RAB30: variants seen among roughly 807,000 people sequenced by gnomAD.
The protein encoded by RAB30 is RAB30, member RAS oncogene family, also known as ras-related protein Rab-30.
RAB30 carries 9 observed loss-of-function variants against 25.1 expected under a neutral mutation model. The observed-to-expected ratio is 0.36, with a 90% confidence interval of 0.22 to 0.63. The LOEUF is 0.63. Among genes scored for constraint, RAB30 ranks in the 20% least tolerant of loss-of-function variants. The probability of loss-of-function intolerance (pLI) is 0.69; values close to 1 mark genes in which losing one functional copy is unlikely to be tolerated. For missense variants in RAB30, 140 were observed against 243.5 expected (o/e 0.58, Z 2.83); for synonymous variants, 77 against 86.4 (o/e 0.89, Z 0.60).
chr11:83,066,199 A>T (rs1858692286), intron 1 of RAB30, among the ~76,000 whole-genome samples: 1 of 152,220 alleles, frequency 6.6e-6, no homozygotes, highest in Non-Finnish European at 1.5e-5. Context: ...AAATTATTAC[A>T]CTATTCTGAT....
chr11:83,044,200 G>A (rs1565287787), intron 1 of RAB30, among the ~76,000 whole-genome samples: 1 of 152,106 alleles, frequency 6.6e-6, no homozygotes, highest in Non-Finnish European at 1.5e-5. Flanking sequence ...CAAATGAGAA[G>A]GGTATCTTGT....
rs201140342 is a variant in RAB30, at chr11:83,014,692, A to G, written c.-8-17368T>C. Among the ~76,000 whole-genome samples the G allele has an allele frequency of 1.4e-4, 20 of 138,658 alleles. No individual in the cohort carries two copies. The East Asian group carries it at 1.6e-3, about 11-fold the overall frequency. The allele number at this position is 138,658 out of a possible 152,430, so 91.0% of individuals were successfully genotyped here. A position where few individuals can be genotyped will look rare whatever the true frequency, so the allele number is the denominator to read the frequency against. ...AAAGAAAGAAAGAAAGAAAGAAAGA[A>G]AGAGAAAGGAAGGAAGGAAGGATGG... On this transcript the variant is annotated intron_variant, in intron 1 of 4. Transcript: ENST00000527633.
At chr11:83,007,253 G>A (rs1315298615) in intron 1 of RAB30, among the ~76,000 whole-genome samples, 1 of 152,182 alleles carries the variant, frequency 6.6e-6, no homozygotes, top group Non-Finnish European at 1.5e-5. Context: ...AAACTGTCAG[G>A]GGTGGCTGGC....
chr11:83,014,634 A>AAAAG (rs58927757), intron 1 of RAB30, among the ~76,000 whole-genome samples: 17,139 of 112,400 alleles, frequency 0.15, 1,382 homozygotes, highest in Middle Eastern at 0.21. Context: ...AGAAGTAAGA[A>AAAAG]AAAGAAAGAA....
chr11:83,069,063 A>AT (rs1464447101), intron 1 of RAB30, among the ~76,000 whole-genome samples: 8 of 152,250 alleles, frequency 5.3e-5, no homozygotes, highest in African/African-American at 1.9e-4. Flanking sequence ...ATAGAGGGCT[A>AT]TAACATCAGT....
At chr11:82,993,272 G>T (rs1230892169) in intron 3 of RAB30, among the ~76,000 whole-genome samples, 1 of 152,074 alleles carries the variant, frequency 6.6e-6, no homozygotes, top group East Asian at 1.9e-4. Context: ...TGGTGAAATG[G>T]GTTCAAATCC....
chr11:83,005,335 C>A (rs997374563), intron 1 of RAB30, among the ~76,000 whole-genome samples: 1 of 152,176 alleles, frequency 6.6e-6, no homozygotes, highest in South Asian at 2.1e-4. Context: ...GCCATTTGGA[C>A]CATGATTTGA....
At chr11:83,025,885 G>A (rs150591073) in intron 1 of RAB30, among the ~76,000 whole-genome samples, 1 of 91,276 alleles carries the variant, frequency 1.1e-5, no homozygotes, top group African/African-American at 2.9e-5. Context: ...GATATAGATA[G>A]ATGATATAGA....
rs1691181863 is a variant in RAB30, at chr11:82,975,320, G to T, written c.*6845C>A. On this transcript the variant is annotated 3_prime_UTR_variant, in exon 5 of 5. Coordinates refer to ENST00000527633, the MANE Select transcript of RAB30 (RefSeq NM_001286060.2). The stretch of plus-strand genomic sequence containing the variant: ...AGCTGTTTTTCAAAAGACTTGTCAA[G>T]TTTTACTATTGTTATTTAATCCAGG... 1 of 152,114 alleles carries T rather than the reference G, an allele frequency of 6.6e-6. No homozygotes were observed. Among genetic ancestry groups the T allele is most frequent in the Admixed American group, 6.5e-5 (1 of 15,270 alleles). The allele number at this position is 152,114 out of a possible 1,614,324, so 9.4% of individuals were successfully genotyped here. A position where few individuals can be genotyped will look rare whatever the true frequency, so the allele number is the denominator to read the frequency against.
intron 1 of RAB30, among the ~76,000 whole-genome samples, chr11:83,001,083 G>A (rs1857073451): frequency 6.6e-6 from 1 of 150,720 alleles, no homozygotes; most frequent in African/African-American, 2.5e-5. Flanking sequence ...CTTTGTCATG[G>A]TGAACATTAT....
At chr11:82,998,447 C>T (rs1857006116) in intron 1 of RAB30, among the ~76,000 whole-genome samples, 2 of 151,106 alleles carry the variant, frequency 1.3e-5, no homozygotes, top group Admixed American at 6.6e-5. Flanking sequence ...ACTCAGGAGG[C>T]TGAGGCACAA....
intron 3 of RAB30, among the ~76,000 whole-genome samples, chr11:82,990,248 T>C (rs1379360440): frequency 1.3e-5 from 2 of 152,252 alleles, no homozygotes; most frequent in Non-Finnish European, 2.9e-5. Flanking sequence ...ACTACTCTAC[T>C]ACTGAGTTCT....
At chr11:83,029,412 T>TATA (rs1386405257) in intron 1 of RAB30, among the ~76,000 whole-genome samples, 1 of 151,766 alleles carries the variant, frequency 6.6e-6, no homozygotes, top group African/African-American at 2.4e-5. Context: ...TTATTATTAT[T>TATA]ATTATTTTGA....
intron 1 of RAB30, among the ~76,000 whole-genome samples, chr11:83,067,722 TG>T (rs1413127297): frequency 6.6e-6 from 1 of 152,210 alleles, no homozygotes; most frequent in Admixed American, 6.5e-5. Flanking sequence ...CCGGGCATGG[TG>T]GCTCATGCTT....
At chr11:82,997,145 C>A in intron 2 of RAB30, 79 bp downstream of exon 2, 1 of 1,220,536 alleles carries the variant, frequency 8.2e-7, no homozygotes, top group East Asian at 2.4e-5. Context: ...TCATCCATCT[C>A]GACAGATTCC....
In RAB30 at chr11:83,042,155, C is replaced by A. The variant is rs142556980; in HGVS notation, c.-9+29536G>T. Among the ~76,000 whole-genome samples, 17 of 152,232 alleles carry A rather than the reference C, an allele frequency of 1.1e-4. No individual in the cohort carries two copies. In the East Asian group the frequency reaches 3.3e-3, roughly 29 times the overall value. On this transcript the variant is annotated intron_variant, in intron 1 of 4. Transcript: ENST00000527633. ...CAGGCAGGGAACACGCCTTACCATT[C>A]TTTTAGATCCCCATAGCACTAAATC...
In RAB30 at chr11:83,055,664, C is replaced by T. The variant is rs139159266; in HGVS notation, c.-9+16027G>A. Among the ~76,000 whole-genome samples the T allele has an allele frequency of 3.2e-3, 492 of 152,316 alleles. 4 individuals are homozygous for T. The highest frequency in any genetic ancestry group is 0.011 in the African/African-American group (470 of 41,564). On this transcript the variant is annotated intron_variant, in intron 1 of 4. Coordinates refer to ENST00000527633, the MANE Select transcript of RAB30 (RefSeq NM_001286060.2). ...TCATGTTGAAATTTAATCCCCAATG[C>T]ATCTGTATTTAGAGGTGGGAACTTT... is the stretch of plus-strand genomic sequence containing the variant.
chr11:83,016,678 C>A (rs542487817), intron 1 of RAB30, among the ~76,000 whole-genome samples: 1 of 152,200 alleles, frequency 6.6e-6, no homozygotes, highest in Non-Finnish European at 1.5e-5. Context: ...CAAGTGCATT[C>A]TCTTTCTACA....
intron 1 of RAB30, among the ~76,000 whole-genome samples, chr11:83,037,137 ATT>A (rs1179308055): frequency 6.6e-6 from 1 of 152,172 alleles, no homozygotes; most frequent in East Asian, 1.9e-4. Context: ...AGGGGAGAGG[ATT>A]TTATATTTGG....
Sources: allele counts gnomAD v4.1 joint callset (sites outside exome capture counted in the v4.1 genomes callset), GRCh38; gene constraint gnomAD v4.1.1; transcripts MANE v1.5; gene names NCBI Gene and HGNC (gene_info 2026-07-23, HGNC 2026-07-21).